SERAC1: variants seen among roughly 807,000 people sequenced by gnomAD.
SERAC1 encodes serine active site containing 1.
A neutral mutation model predicts 85.7 loss-of-function variants in SERAC1; 36 were observed. The observed-to-expected ratio is 0.42, with a 90% confidence interval of 0.32 to 0.55. The LOEUF is 0.55. Ranked by LOEUF, SERAC1 falls within the 20% of genes least tolerant of loss-of-function variation. SERAC1 has a pLI of 0.11. For missense variants in SERAC1, 629 were observed against 796.2 expected, an observed-to-expected ratio of 0.79 and a Z score of 2.53; for synonymous variants, 242 against 265.3, an observed-to-expected ratio of 0.91 and a Z score of 0.85.
At chr6:158,132,517 T>C (rs1394521653) in intron 8 of SERAC1, among the ~76,000 whole-genome samples, 1 of 152,142 alleles carries the variant, frequency 6.6e-6, no homozygotes, top group Non-Finnish European at 1.5e-5. Context: ...TATCGCCACA[T>C]CCTGGCTCCC....
At chr6:158,115,494 A>T (rs1231934455) in intron 14 of SERAC1, among the ~76,000 whole-genome samples, 1 of 152,204 alleles carries the variant, frequency 6.6e-6, no homozygotes, top group Non-Finnish European at 1.5e-5. Context: ...AAGGATGATG[A>T]CAGTAGGTCT....
chr6:158,117,919 A>G lies in SERAC1; in HGVS notation c.1309-98T>C. 1.2e-6 allele frequency: 1 copy of G among 846,608 alleles called. No homozygotes were observed. The highest frequency in any genetic ancestry group is 1.6e-5 in the South Asian group (1 of 61,550). 52.4% of individuals were successfully genotyped at this position (846,608 alleles called of 1,614,324 possible). On this transcript the variant is annotated intron_variant, in intron 12 of 16. Transcript: ENST00000647468. The surrounding 1 kb of genome is among the most constrained non-coding windows in gnomAD (Gnocchi z 4.3). ...TTTATAACTAAAGGCCTCTTGCACT[A>G]TAATTAAAGATAGCACTGGAATAAG...
Position 158,148,937 on chromosome 6 carries a change from T to C in SERAC1, c.283A>G (p.Arg95Gly). Residue 95 changes from arginine to glycine, a missense_variant, in exon 5 of 17, where the codon AGA (arginine) becomes GGA (glycine). Coordinates refer to ENST00000647468, the MANE Select transcript of SERAC1 (RefSeq NM_032861.4). ...CTTACTGCTTTGTGAAGTTCTTTTC[T>C]TGCCTGCCAGGCAATACCTAAAATG... is the stretch of plus-strand genomic sequence containing the variant. ...GENHGIAWQARKELHKAVRKV... is the reference protein window; with the variant it reads ...GENHGIAWQAGKELHKAVRKV... 7.4e-6 allele frequency: 12 copies of C among 1,611,454 alleles called. No individual in the cohort carries two copies. The highest frequency in any genetic ancestry group is 1.0e-5 in the Non-Finnish European group (12 of 1,178,850).
Position 158,114,940 on chromosome 6 carries a change from G to C in SERAC1, c.1533C>G (p.Ala511=). ...CAGTACTCATTTCTGGCTTCGTAGAGGCTTCCAACAGCATCTTTTTGACAA... is the reference window on the plus strand; with the variant it reads ...CAGTACTCATTTCTGGCTTCGTAGACGCTTCCAACAGCATCTTTTTGACAA... ...GLLVKKMLLE[A]STKPEMSTVI... is the part of the protein sequence containing the mutation. The change falls in exon 15 of 17, where the codon GCC becomes GCG. Residue 511 remains alanine (A), a synonymous_variant. Transcript: ENST00000647468. The C allele has an allele frequency of 6.2e-7, 1 of 1,612,492 alleles. No homozygotes were observed. The highest frequency in any genetic ancestry group is 8.5e-7 in the Non-Finnish European group (1 of 1,179,450).
chr6:158,126,471 T>C (rs1022451863), intron 10 of SERAC1, among the ~76,000 whole-genome samples: 3 of 151,914 alleles, frequency 2.0e-5, no homozygotes, highest in Non-Finnish European at 2.9e-5. Context: ...TACCTGTCCA[T>C]AGAAGGGAGG....
chr6:158,135,338 C>A (rs934208709), intron 8 of SERAC1, among the ~76,000 whole-genome samples: 2 of 152,092 alleles, frequency 1.3e-5, no homozygotes, highest in Non-Finnish European at 2.9e-5. Flanking sequence ...TCGAGACCAG[C>A]CTGATCAACA....
chr6:158,155,320 A>G lies in SERAC1; in HGVS notation c.123T>C (p.Ile41=). Reference sequence around the variant, plus strand: ...TTCCACAGTTGACGACTTACCCTAAAATAAGTGATCCAGTAAACTTTATTA... The same window carrying G: ...TTCCACAGTTGACGACTTACCCTAAGATAAGTGATCCAGTAAACTTTATTA... The part of the protein sequence containing the change: ...RNIIKFTGSL[I]LGGSLFLTYE... Residue 41 remains isoleucine (I), a synonymous_variant, in exon 3 of 17, where the codon ATT becomes ATC. Transcript: ENST00000647468. The G allele has an allele frequency of 6.5e-7, 1 of 1,549,208 alleles. No individual in the cohort carries two copies. The highest frequency in any genetic ancestry group is 8.9e-7 in the Non-Finnish European group (1 of 1,122,530).
intron 1 of SERAC1, among the ~76,000 whole-genome samples, chr6:158,166,656 T>C (rs1562465374): frequency 6.6e-6 from 1 of 152,234 alleles, no homozygotes; most frequent in African/African-American, 2.4e-5. Flanking sequence ...GGTCATCTTT[T>C]GTGTTCCAAC....
In SERAC1 at chr6:158,119,536, G is replaced by A. The variant is rs9364802; in HGVS notation, c.1167-366C>T. 0.31 allele frequency among the ~76,000 whole-genome samples: 46,390 copies of A among 152,060 alleles called. 8,522 individuals are homozygous for A. The highest frequency in any genetic ancestry group is 0.52 in the Admixed American group (7,906 of 15,280). ...AGTATTTAAGAAATTAAAGAAGAAC[G>A]TGCTAATAACAGTTTCAAAGTCAGT... On this transcript the variant is annotated intron_variant, in intron 11 of 16. Coordinates refer to ENST00000647468, the MANE Select transcript of SERAC1 (RefSeq NM_032861.4). The surrounding 1 kb of genome is among the most constrained non-coding windows in gnomAD (Gnocchi z 4.5).
chr6:158,137,889 G>A (rs1583583509), intron 8 of SERAC1, among the ~76,000 whole-genome samples: 2 of 151,848 alleles, frequency 1.3e-5, no homozygotes, highest in Admixed American at 6.6e-5. Context: ...CAAAAAAAAG[G>A]TCATACGAAT....
intron 1 of SERAC1, among the ~76,000 whole-genome samples, chr6:158,167,424 G>T (rs9355553): frequency 0.27 from 41,068 of 150,514 alleles, 6,052 homozygotes; most frequent in Admixed American, 0.44. Context: ...TGTAATCCCA[G>T]TTACTAGGGA....
At chr6:158,128,384 A>C in intron 9 of SERAC1, 114 bp from the exon 10 acceptor site, 1 of 901,634 alleles carries the variant, frequency 1.1e-6, no homozygotes, top group Non-Finnish European at 1.7e-6. Flanking sequence ...GCAGGGATGC[A>C]GGGAGACTCC....
At chr6:158,143,004 T>C (rs1583589366) in intron 8 of SERAC1, 52 bp downstream of exon 8, 5 of 1,437,350 alleles carry the variant, frequency 3.5e-6, no homozygotes, top group East Asian at 2.3e-5. Context: ...ACACAATACA[T>C]TGGAAAGGGT....
At chr6:158,153,095 T>A (rs1785244699) in intron 3 of SERAC1, among the ~76,000 whole-genome samples, 1 of 152,226 alleles carries the variant, frequency 6.6e-6, no homozygotes, top group Admixed American at 6.5e-5. Context: ...CATCTCTATA[T>A]ATGATTCTGA....
At position 158,114,798 on chromosome 6, in the gene SERAC1, G is replaced by GTTCT. The variant is rs1784240094; in HGVS notation, c.1671_1674dup (p.Leu559ArgfsTer10). On this transcript the variant is annotated frameshift_variant, in exon 15 of 17. Coordinates refer to ENST00000647468, the MANE Select transcript of SERAC1 (RefSeq NM_032861.4). LOFTEE classifies it high-confidence loss of function. Reference sequence around the variant, plus strand: ...TGACAAAAAGTATTACCCTTGCTGAGTTCTTTGACTTCCAACGAGGGGAAG... The same window carrying GTTCT: ...TGACAAAAAGTATTACCCTTGCTGAGTTCTTTCTTTGACTTCCAACGAGGGGAAG... 2 of 1,608,536 alleles carry GTTCT rather than the reference G, an allele frequency of 1.2e-6. No homozygotes were observed. Among genetic ancestry groups the GTTCT allele is most frequent in the African/African-American group, 1.4e-5 (1 of 72,988 alleles).
intron 3 of SERAC1, among the ~76,000 whole-genome samples, chr6:158,151,700 C>T (rs1785208746): frequency 6.6e-6 from 1 of 152,194 alleles, no homozygotes; most frequent in Non-Finnish European, 1.5e-5. Context: ...GCTGGGATTA[C>T]AGGCGTGAGC....
intron 1 of SERAC1, among the ~76,000 whole-genome samples, chr6:158,159,626 A>T (rs1331521627): frequency 2.1e-5 from 3 of 142,324 alleles, no homozygotes; most frequent in Non-Finnish European, 4.6e-5. Flanking sequence ...TTTTAAGATT[A>T]TCTTTTTTTT....
chr6:158,115,083 T>TA (rs1046826020), intron 14 of SERAC1, 112 bp from the exon 15 acceptor site: 171 of 1,208,788 alleles, frequency 1.4e-4, no homozygotes, highest in Middle Eastern at 4.3e-4. Context: ...GCTTTCTTTT[T>TA]AAAAAAAATG....
intron 10 of SERAC1, among the ~76,000 whole-genome samples, chr6:158,123,670 A>G (rs1784471167): frequency 6.6e-6 from 1 of 152,218 alleles, no homozygotes; most frequent in African/African-American, 2.4e-5. Context: ...TCAGCCACAG[A>G]GTAGTAAGCA....
Sources: allele counts gnomAD v4.1 joint callset (sites outside exome capture counted in the v4.1 genomes callset), GRCh38; gene constraint gnomAD v4.1.1; non-coding constraint Gnocchi (gnomAD v3.1); transcripts MANE v1.5; gene names NCBI Gene and HGNC (gene_info 2026-07-23, HGNC 2026-07-21).